The following SYN2 variants were observed in gnomAD, a reference collection of about 807,000 sequenced individuals.
SYN2 encodes the protein synapsin-2.
SYN2 carries 19 observed loss-of-function variants against 50.9 expected under a neutral mutation model. The observed-to-expected ratio is 0.37, with a 90% CI of 0.26 to 0.55. The LOEUF is 0.55. Among genes scored for constraint, SYN2 ranks in the 20% least tolerant of loss-of-function variants. The pLI is 0.81. For synonymous variants in SYN2, 255 were observed against 224.9 expected (o/e 1.13, Z -1.20); for missense variants, 587 against 576.4 (o/e 1.02, Z -0.19).
chr3:12,056,843 C>T (rs972368172), intron 1 of SYN2, among the ~76,000 whole-genome samples: 1 of 152,122 alleles, frequency 6.6e-6, no homozygotes, highest in African/African-American at 2.4e-5. Flanking sequence ...CAGTTAGTCA[C>T]CCTCCTAAAA....
intron 11 of SYN2, among the ~76,000 whole-genome samples, chr3:12,187,081 C>T (rs2124841166): frequency 6.6e-6 from 1 of 152,280 alleles, no homozygotes; most frequent in East Asian, 1.9e-4. Context: ...TTCTAGGGCC[C>T]TCTGTGAGAG....
intron 1 of SYN2, among the ~76,000 whole-genome samples, chr3:12,044,668 A>C (rs907120519): frequency 4.6e-5 from 7 of 152,200 alleles, no homozygotes; most frequent in African/African-American, 1.7e-4. Context: ...AGCAGTTAGC[A>C]TCCCTCTTCA....
intron 1 of SYN2, among the ~76,000 whole-genome samples, chr3:12,077,641 G>A (rs1006021437): frequency 9.2e-5 from 14 of 152,124 alleles, no homozygotes; most frequent in African/African-American, 3.4e-4. Context: ...CCCTGCAAAG[G>A]ACATGATTTT....
chr3:12,038,440 C>T (rs1432905563), intron 1 of SYN2, among the ~76,000 whole-genome samples: 1 of 151,912 alleles, frequency 6.6e-6, no homozygotes, highest in Admixed American at 6.6e-5. Context: ...ATTTTAGGAT[C>T]AACTTGTGAA....
At chr3:12,178,047 C>T (rs910866253) in intron 10 of SYN2, among the ~76,000 whole-genome samples, 5 of 152,210 alleles carry the variant, frequency 3.3e-5, no homozygotes, top group African/African-American at 1.2e-4. Flanking sequence ...CCCAAGGTGC[C>T]TCAAAACATG....
intron 1 of SYN2, among the ~76,000 whole-genome samples, chr3:12,138,064 C>T (rs1010353755): frequency 6.6e-6 from 1 of 152,166 alleles, no homozygotes; most frequent in East Asian, 1.9e-4. Flanking sequence ...TACTAGTGTT[C>T]TCTTAGTATC....
intron 1 of SYN2, among the ~76,000 whole-genome samples, chr3:12,045,731 T>C (rs910870265): frequency 6.6e-6 from 1 of 152,146 alleles, no homozygotes; most frequent in Admixed American, 6.5e-5. Flanking sequence ...GGCGAACTGA[T>C]TTGTGTGCCC....
At chr3:12,106,271 C>T (rs530999861) in intron 1 of SYN2, among the ~76,000 whole-genome samples, 5 of 152,134 alleles carry the variant, frequency 3.3e-5, no homozygotes, top group South Asian at 2.1e-4. Context: ...CTTCCTCTTC[C>T]GTCTCCAGCT....
chr3:12,177,007 T>C (rs1017401383), intron 10 of SYN2, among the ~76,000 whole-genome samples: 23 of 152,166 alleles, frequency 1.5e-4, no homozygotes, highest in African/African-American at 5.6e-4. Flanking sequence ...AGCAGGTAAC[T>C]TATAAAATCT....
chr3:12,141,836 T>A, intron 2 of SYN2, 69 bp from the exon 3 acceptor site: 1 of 769,562 alleles, frequency 1.3e-6, no homozygotes, highest in Non-Finnish European at 2.4e-6. Context: ...GTAGGGATGT[T>A]GCTGCTGCTA....
intron 1 of SYN2, among the ~76,000 whole-genome samples, chr3:12,104,637 C>T (rs1359084048): frequency 1.1e-4 from 13 of 122,236 alleles, no homozygotes; most frequent in East Asian, 2.6e-4. Context: ...TGCGGTGGAG[C>T]GATCTTGGCT....
chr3:12,149,571 A>G (rs537131214), intron 4 of SYN2, among the ~76,000 whole-genome samples: 50 of 152,322 alleles, frequency 3.3e-4, no homozygotes, highest in Non-Finnish European at 5.7e-4. Flanking sequence ...GGGAGCCTGC[A>G]CTTTCCTTTG....
At chr3:12,121,107 C>T (rs1479902560) in intron 1 of SYN2, among the ~76,000 whole-genome samples, 2 of 152,200 alleles carry the variant, frequency 1.3e-5, no homozygotes, top group Non-Finnish European at 2.9e-5. Context: ...CTAACCTTTA[C>T]TTCACTTTTG....
intron 1 of SYN2, among the ~76,000 whole-genome samples, chr3:12,037,389 C>T (rs1422086594): frequency 6.6e-6 from 1 of 152,206 alleles, no homozygotes; most frequent in East Asian, 1.9e-4. Context: ...TTTTATCTCA[C>T]TCTGTTTTGT....
intron 7 of SYN2, among the ~76,000 whole-genome samples, chr3:12,163,159 A>G (rs957754658): frequency 1.6e-4 from 24 of 150,286 alleles, no homozygotes; most frequent in Admixed American, 2.0e-4. Context: ...GGAGAATGGC[A>G]TGAACCCGGA....
At chr3:12,106,771 A>T (rs1213636850) in intron 1 of SYN2, among the ~76,000 whole-genome samples, 1 of 152,208 alleles carries the variant, frequency 6.6e-6, no homozygotes, top group Non-Finnish European at 1.5e-5. Flanking sequence ...GCTGATTATT[A>T]TATAGCATAT....
chr3:12,080,435 C>A (rs1559411852), intron 1 of SYN2, among the ~76,000 whole-genome samples: 1 of 151,886 alleles, frequency 6.6e-6, no homozygotes, highest in Admixed American at 6.6e-5. Context: ...TTGATGTGGG[C>A]ATTAATGCTA....
At position 12,151,296 on chromosome 3, in the gene SYN2, A is replaced by G. The variant is rs770859968; in HGVS notation, c.744A>G (p.Glu248=). ...TLGGEKFPLI[E]QTYYPNHKEM... Reference sequence around the variant, plus strand: ...GAGGAGAAAAGTTCCCTCTCATTGAACAGACATACTACCCCAACCACAAAG... The same window carrying G: ...GAGGAGAAAAGTTCCCTCTCATTGAGCAGACATACTACCCCAACCACAAAG... Residue 248 remains glutamate (E), a synonymous_variant, in exon 5 of 13, where the codon GAA becomes GAG. Coordinates refer to ENST00000621198, the MANE Select transcript of SYN2 (RefSeq NM_133625.6). 3.7e-6 allele frequency: 6 copies of G among 1,613,498 alleles called. No individual in the cohort carries two copies. Among genetic ancestry groups the G allele is most frequent in the Admixed American group, 1.7e-5 (1 of 59,968 alleles).
chr3:12,019,405 G>T (rs776786671), intron 1 of SYN2, among the ~76,000 whole-genome samples: 4 of 152,120 alleles, frequency 2.6e-5, no homozygotes, highest in African/African-American at 4.8e-5. Flanking sequence ...TTTCATAGAA[G>T]GAGCTGGGAA....
Sources: gnomAD v4.1 joint callset for allele counts (sites outside exome capture counted in the v4.1 genomes callset) on GRCh38, gnomAD v4.1.1 for gene constraint, MANE v1.5 for transcripts, NCBI Gene and HGNC (gene_info 2026-07-23, HGNC 2026-07-21) for gene names.